LMOD3: variants seen among roughly 807,000 people sequenced by gnomAD.
LMOD3 encodes leiomodin-3.
In LMOD3, 31 loss-of-function variants were observed where a neutral mutation model predicts 41.8. The observed-to-expected ratio is 0.74, with a 90% CI of 0.56 to 1.00. The LOEUF (loss-of-function observed/expected upper bound fraction) is 1.00, where lower values mean the gene tolerates loss of function less well. LMOD3 is among the 50% of genes least tolerant of loss of function. The probability of loss-of-function intolerance (pLI) is 0.00; values close to 1 mark genes in which losing one functional copy is unlikely to be tolerated. For synonymous variants in LMOD3, 292 were observed against 241.9 expected, an observed-to-expected ratio of 1.21 and a Z score of -1.92; for missense variants, 755 against 679.5, an observed-to-expected ratio of 1.11 and a Z score of -1.23.
At chr3:69,110,257 T>A (rs1014828536) in intron 2 of LMOD3, among the ~76,000 whole-genome samples, 6 of 151,660 alleles carry the variant, frequency 4.0e-5, no homozygotes, top group African/African-American at 9.7e-5. Context: ...TTAGACAAAG[T>A]CTTACTCTGT....
At chr3:69,118,149 T>G (rs2092385412) in intron 2 of LMOD3, among the ~76,000 whole-genome samples, 1 of 152,164 alleles carries the variant, frequency 6.6e-6, no homozygotes, top group Admixed American at 6.5e-5. Context: ...TCTTATTTAT[T>G]CCTCACTGTA....
At chr3:69,118,578 G>T in intron 2 of LMOD3, 121 bp downstream of exon 2, 1 of 1,128,350 alleles carries the variant, frequency 8.9e-7, no homozygotes, top group Non-Finnish European at 1.2e-6. Flanking sequence ...ATGCTCATTG[G>T]CTTCCCCCAG....
chr3:69,118,571 C>T, intron 2 of LMOD3, 128 bp downstream of exon 2: 4 of 1,039,244 alleles, frequency 3.8e-6, no homozygotes, highest in South Asian at 3.5e-5. Context: ...ATTGGTAATG[C>T]TCATTGGCTT....
At chr3:69,121,979 C>A in intron 1 of LMOD3, 114 bp downstream of exon 1, 1 of 825,200 alleles carries the variant, frequency 1.2e-6, no homozygotes, top group East Asian at 2.7e-5. Flanking sequence ...CTAGATATGG[C>A]AAAAACAAAG....
rs982911420 is a variant in LMOD3, at chr3:69,118,934, T to C, written c.1421A>G (p.Gln474Arg). Residue 474 changes from glutamine to arginine, a missense_variant, in exon 2 of 3, where the codon CAG (glutamine) becomes CGG (arginine). Gln to Arg is a conservative substitution (Grantham distance 43). Transcript: ENST00000420581. ...QRSEMMKKPS[Q>R]APKYRTDPDS... ...AGGGTCTGTCCTGTACTTCGGGGCC[T>C]GCGATGGCTTTTTCATCATTTCACT... The C allele has an allele frequency of 3.7e-6, 6 of 1,612,598 alleles. No individual in the cohort carries two copies. The South Asian group carries it at 6.6e-5, about 18-fold the overall frequency.
chr3:69,119,160 G>T lies in LMOD3; in HGVS notation c.1195C>A (p.Gln399Lys), dbSNP rs753858615. ...TGTTTTTGCTCTTCCTGTCGTTTCT[G>T]CCTTTGTTTATCCTGATTCCTGGTG... ...LLTRNQDKQRQKRQEEQKQQQ... is the reference protein window; with the variant it reads ...LLTRNQDKQRKKRQEEQKQQQ... The change falls in exon 2 of 3, where the codon CAG becomes AAG. Residue 399 changes from glutamine to lysine, a missense_variant. Coordinates refer to ENST00000420581, the MANE Select transcript of LMOD3 (RefSeq NM_198271.5). 6.2e-7 allele frequency: 1 copy of T among 1,613,666 alleles called. No homozygotes were observed. Among genetic ancestry groups the T allele is most frequent in the Non-Finnish European group, 8.5e-7 (1 of 1,179,832 alleles).
In LMOD3 at chr3:69,106,769, T is replaced by TTGCAG. The variant is rs1410619496; in HGVS notation, c.*2325_*2326insCTGCA. 2 of 151,064 alleles carry TTGCAG rather than the reference T, an allele frequency of 1.3e-5. No individual in the cohort carries two copies. The highest frequency in any genetic ancestry group is 6.6e-5 in the Admixed American group (1 of 15,134). 9.4% of individuals were successfully genotyped at this position (151,064 alleles called of 1,614,324 possible). On this transcript the variant is annotated 3_prime_UTR_variant, in exon 3 of 3. Coordinates refer to ENST00000420581, the MANE Select transcript of LMOD3 (RefSeq NM_198271.5). Reference sequence around the variant, plus strand: ...GTGCAATGGTGCAATCTCAGCTCACTGCAACCTCCACCTCCCATGTTCAGG... The same window carrying TTGCAG: ...GTGCAATGGTGCAATCTCAGCTCACTTGCAGGCAACCTCCACCTCCCATGTTCAGG...
chr3:69,109,200 TA>T (rs1245128572), intron 2 of LMOD3, 79 bp from the exon 3 acceptor site: 2 of 1,312,584 alleles, frequency 1.5e-6, no homozygotes, highest in African/African-American at 2.9e-5. Flanking sequence ...TTACAAAATT[TA>T]CATGCCTTAA....
Position 69,119,360 on chromosome 3 carries a change from C to A in LMOD3, c.995G>T (p.Arg332Met). Residue 332 changes from arginine (R) to methionine (M), a missense_variant, in exon 2 of 3, where the codon AGG becomes ATG. Coordinates refer to ENST00000420581, the MANE Select transcript of LMOD3 (RefSeq NM_198271.5). ...TAGCGTCTCATTAAACTGGAGACAC[C>A]TCATGATGGCCACAATCCCTTTACC... ...ITGKGIVAIM[R>M]CLQFNETLTE... 6 of 1,613,918 alleles carry A rather than the reference C, an allele frequency of 3.7e-6. No individual in the cohort carries two copies. Among genetic ancestry groups the A allele is most frequent in the Non-Finnish European group, 5.1e-6 (6 of 1,179,868 alleles).
Position 69,119,538 on chromosome 3 carries a change from C to A in LMOD3, c.817G>T (p.Asp273Tyr), listed in dbSNP as rs757466929. Residue 273 changes from aspartate to tyrosine, a missense_variant, in exon 2 of 3, where the codon GAC becomes TAC. Coordinates refer to ENST00000420581, the MANE Select transcript of LMOD3 (RefSeq NM_198271.5). ...TTTTTCTTCATTGCATTGACAAAGT[C>A]CAGTAACATTTCTTTGGGGATGTTT... ...IENIPKEMLL[D>Y]FVNAMKKNKH... 1.2e-6 allele frequency: 2 copies of A among 1,613,760 alleles called. No homozygotes were observed. The highest frequency in any genetic ancestry group is 1.7e-6 in the Non-Finnish European group (2 of 1,179,898).
At chr3:69,110,853 A>AAAAAAAAAAAAAAAAAAATAT (rs1458630453) in intron 2 of LMOD3, among the ~76,000 whole-genome samples, 4 of 104,124 alleles carry the variant, frequency 3.8e-5, no homozygotes, top group South Asian at 7.5e-4. Flanking sequence ...AAAAAAAAAA[A>AAAAAAAAAAAAAAAAAAATAT]ATATATATAT....
rs746548821 is a variant in LMOD3, at chr3:69,118,828, G to A, written c.1527C>T (p.Thr509=). Residue 509 remains threonine, a synonymous_variant, in exon 2 of 3, where the codon ACC becomes ACT. Transcript: ENST00000420581. The part of the protein sequence containing the change: ...MPEAREPPEK[T]NLKDVIKTLK... ...GCGTTTTGATGACATCTTTGAGGTTGGTTTTCTCGGGTGGTTCTCTGGCTT... is the reference window on the plus strand; with the variant it reads ...GCGTTTTGATGACATCTTTGAGGTTAGTTTTCTCGGGTGGTTCTCTGGCTT... 13 of 1,610,494 alleles carry A rather than the reference G, an allele frequency of 8.1e-6. No homozygotes were observed. Among genetic ancestry groups the A allele is most frequent in the Middle Eastern group, 3.3e-4 (2 of 6,082 alleles).
intron 2 of LMOD3, among the ~76,000 whole-genome samples, chr3:69,110,853 A>AAAAAAAAAAAAAAAAAATATATATATAT (rs1458630453): frequency 9.6e-6 from 1 of 104,120 alleles, no homozygotes; most frequent in African/African-American, 4.8e-5. Context: ...AAAAAAAAAA[A>AAAAAAAAAAAAAAAAAATATATATATAT]ATATATATAT....
At chr3:69,109,520 CTTTTTTT>C (rs923225067) in intron 2 of LMOD3, among the ~76,000 whole-genome samples, 3 of 98,710 alleles carry the variant, frequency 3.0e-5, no homozygotes, top group East Asian at 4.1e-4. Context: ...CATGTTAACA[CTTTTTTT>C]TTTTTTTTTT....
Position 69,109,096 on chromosome 3 carries a change from T to C in LMOD3, c.1682A>G (p.Ter561=), listed in dbSNP as rs201113537. 44 of 1,600,890 alleles carry C rather than the reference T, an allele frequency of 2.7e-5. No individual in the cohort carries two copies. Among genetic ancestry groups the C allele is most frequent in the Non-Finnish European group, 3.3e-5 (39 of 1,173,302 alleles). The change falls in exon 3 of 3, where the codon TAA becomes TGA. Residue 561 remains the stop codon, a stop_retained_variant. Coordinates refer to ENST00000420581, the MANE Select transcript of LMOD3 (RefSeq NM_198271.5). The part of the protein sequence containing the change: ...KPVQLPKELA[*] The stretch of plus-strand genomic sequence containing the variant: ...TCTTCTAGATGGCTCTGTTGCCTCT[T>C]ACGCCAGTTCTTTTGGCAGTTGCAC...
Position 69,122,292 on chromosome 3 carries a change from A to G in LMOD3, c.95T>C (p.Leu32Pro). ...EILANLSAEE[L>P]KELQSEMEVM... ...TTCCATTTCCGACTGCAGTTCTTTC[A>G]GTTCTTCAGCAGACAAGTTGGCCAA... Residue 32 changes from leucine to proline, a missense_variant, in exon 1 of 3, where the codon CTG becomes CCG. Transcript: ENST00000420581. 1 of 1,613,446 alleles carries G rather than the reference A, an allele frequency of 6.2e-7. No homozygotes were observed. Among genetic ancestry groups the G allele is most frequent in the Non-Finnish European group, 8.5e-7 (1 of 1,179,676 alleles).
intron 1 of LMOD3, among the ~76,000 whole-genome samples, chr3:69,121,154 T>G (rs1416746159): frequency 1.3e-5 from 2 of 152,192 alleles, no homozygotes; most frequent in Non-Finnish European, 2.9e-5. Flanking sequence ...CCCCTGAAAC[T>G]GGCATTCACA....
chr3:69,119,417 G>A lies in LMOD3; in HGVS notation c.938C>T (p.Thr313Ile), dbSNP rs1362935131. 6.2e-7 allele frequency: 1 copy of A among 1,613,868 alleles called. No homozygotes were observed. Among genetic ancestry groups the A allele is most frequent in the Non-Finnish European group, 8.5e-7 (1 of 1,179,904 alleles). ...GAAATTGGACTCGATGTTGAGAGTG[G>A]TGATGCTTCTATTTTCACGCAACAT... ...ANMLRENRSI[T>I]TLNIESNFIT... Residue 313 changes from threonine (T) to isoleucine (I), a missense_variant, in exon 2 of 3, where the codon ACC becomes ATC. Coordinates refer to ENST00000420581, the MANE Select transcript of LMOD3 (RefSeq NM_198271.5).
chr3:69,115,751 A>G (rs73835729), intron 2 of LMOD3, among the ~76,000 whole-genome samples: 5,912 of 152,180 alleles, frequency 0.039, 340 homozygotes, highest in East Asian at 0.27. Flanking sequence ...CTTTCTGCTG[A>G]GATTTTGTGA....
Sources: gnomAD v4.1 joint callset for allele counts (sites outside exome capture counted in the v4.1 genomes callset) on GRCh38, gnomAD v4.1.1 for gene constraint, MANE v1.5 for transcripts, NCBI Gene and HGNC (gene_info 2026-07-23, HGNC 2026-07-21) for gene names.